Variants in GPM6B observed in about 807,000 individuals in gnomAD.
The protein encoded by GPM6B is neuronal membrane glycoprotein M6-b.
Under a neutral mutation model 27.2 loss-of-function variants are expected in GPM6B, and 4 were observed. The observed-to-expected ratio is 0.15, with a 90% confidence interval of 0.07 to 0.34. The LOEUF (loss-of-function observed/expected upper bound fraction) is 0.34. Ranked by LOEUF, GPM6B falls within the 10% of genes least tolerant of loss-of-function variation. GPM6B has a pLI of 1.00. For missense variants in GPM6B, 183 were observed against 261.9 expected, an observed-to-expected ratio of 0.70 and a Z score of 2.08; for synonymous variants, 124 against 103.1, an observed-to-expected ratio of 1.20 and a Z score of -1.23.
intron 1 of GPM6B, among the ~76,000 whole-genome samples, chrX:13,875,203 C>A (rs904536505): frequency 9.9e-5 from 11 of 111,118 alleles, no homozygotes; most frequent in African/African-American, 3.3e-4. Flanking sequence ...CAGTTGCATG[C>A]AGTTAGTGGG....
chrX:13,845,332 G>T (rs1302416870), intron 1 of GPM6B, among the ~76,000 whole-genome samples: 2 of 111,436 alleles, frequency 1.8e-5, no homozygotes, highest in Non-Finnish European at 3.8e-5. Flanking sequence ...GCACCTGAAA[G>T]GCTTCCAGGT....
intron 1 of GPM6B, among the ~76,000 whole-genome samples, chrX:13,915,626 T>C (rs910088462): frequency 1.8e-5 from 2 of 112,856 alleles, no homozygotes; most frequent in Non-Finnish European, 3.7e-5. Context: ...AGGATTACAT[T>C]AGTTGATTCA....
chrX:13,837,769 TG>T (rs1194421511), intron 1 of GPM6B, among the ~76,000 whole-genome samples: 2 of 46,142 alleles, frequency 4.3e-5, no homozygotes, highest in Non-Finnish European at 9.5e-5. Flanking sequence ...CAACAGTGTC[TG>T]AAAATTCATG....
In GPM6B at chrX:13,931,515, AAAAT is replaced by A. The variant is rs756151567; in HGVS notation, c.-198+6808_-198+6811del. ...AAAAAAAAGAAAAAAGAAAAAAAGA[AAAAT>A]AAATAAATAAAATTAATAATCGAGT... On this transcript the variant is annotated intron_variant, in intron 1 of 6. Coordinates refer to the GPM6B transcript ENST00000398361. Among the ~76,000 whole-genome samples the A allele has an allele frequency of 2.0e-3, 217 of 111,085 alleles. 1 individual carries two copies. Among genetic ancestry groups the A allele is most frequent in the African/African-American group, 6.9e-3 (210 of 30,651 alleles).
At chrX:13,897,390 A>G (rs2050243221) in intron 1 of GPM6B, among the ~76,000 whole-genome samples, 1 of 112,177 alleles carries the variant, frequency 8.9e-6, no homozygotes, top group Non-Finnish European at 1.9e-5. Flanking sequence ...TGAGAGTAAA[A>G]TTATACTTGA....
intron 1 of GPM6B, among the ~76,000 whole-genome samples, chrX:13,871,089 C>A (rs908316960): frequency 2.8e-5 from 1 of 35,840 alleles, no homozygotes; most frequent in Non-Finnish European, 7.7e-5. Context: ...AAAAACAAAA[C>A]AAAACAAAAC....
intron 1 of GPM6B, among the ~76,000 whole-genome samples, chrX:13,825,243 G>A (rs1309598799): frequency 6.2e-5 from 7 of 112,209 alleles, no homozygotes; most frequent in Non-Finnish European, 1.3e-4. Flanking sequence ...GATAAGGAGA[G>A]TGAGAAGGAC....
chrX:13,838,482 T>C (rs773575869), intron 1 of GPM6B, among the ~76,000 whole-genome samples: 3 of 112,510 alleles, frequency 2.7e-5, no homozygotes, highest in Non-Finnish European at 5.6e-5. Flanking sequence ...TCTGAGCTCT[T>C]TAGTGGCAAC....
intron 1 of GPM6B, among the ~76,000 whole-genome samples, chrX:13,925,475 C>A (rs1244550468): frequency 4.9e-5 from 5 of 102,386 alleles, no homozygotes; most frequent in Non-Finnish European, 9.9e-5. Context: ...TACAGGCAGG[C>A]ACCACCATGT....
chrX:13,803,191 G>A (rs973365672), intron 2 of GPM6B, among the ~76,000 whole-genome samples: 1 of 111,481 alleles, frequency 9.0e-6, no homozygotes, highest in Middle Eastern at 4.6e-3. Context: ...CCTAGAAGGG[G>A]GCCAAGGGAT....
intron 1 of GPM6B, among the ~76,000 whole-genome samples, chrX:13,927,690 C>T (rs1185258584): frequency 1.8e-5 from 2 of 112,834 alleles, no homozygotes; most frequent in East Asian, 5.5e-4. Context: ...ACATCTATTA[C>T]ATCCTTAAGT....
intron 1 of GPM6B, among the ~76,000 whole-genome samples, chrX:13,926,108 A>C (rs1921173910): frequency 9.4e-6 from 1 of 106,155 alleles, no homozygotes; most frequent in South Asian, 4.3e-4. Flanking sequence ...AAATCCTGAC[A>C]GGTATGTTTG....
At chrX:13,780,328 G>C (rs1450038411) in intron 4 of GPM6B, among the ~76,000 whole-genome samples, 1 of 112,039 alleles carries the variant, frequency 8.9e-6, no homozygotes, top group Non-Finnish European at 1.9e-5. Flanking sequence ...CTCAAGAGGT[G>C]CTCTTTCTAA....
intron 1 of GPM6B, among the ~76,000 whole-genome samples, chrX:13,836,764 T>C (rs924254310): frequency 2.7e-5 from 3 of 112,653 alleles, no homozygotes; most frequent in African/African-American, 3.2e-5. Context: ...ACCTGACATA[T>C]ACAAATTGCC....
upstream of GPM6B, among the ~76,000 whole-genome samples, chrX:13,822,097 CA>C (rs1267935426): frequency 9.0e-6 from 1 of 111,380 alleles, no homozygotes; most frequent in African/African-American, 3.3e-5. Flanking sequence ...AGTCATTAAT[CA>C]GAAGGAGGGA....
chrX:13,923,875 T>C (rs144116431), intron 1 of GPM6B, among the ~76,000 whole-genome samples: 1,449 of 112,329 alleles, frequency 0.013, 19 homozygotes, highest in African/African-American at 0.044. Flanking sequence ...GGATTTTTAT[T>C]TTCTTTTTTA....
At chrX:13,839,866 T>C (rs949553606) in intron 1 of GPM6B, among the ~76,000 whole-genome samples, 1 of 112,173 alleles carries the variant, frequency 8.9e-6, no homozygotes. Flanking sequence ...AGGAAAAGAA[T>C]CTAGGATAGC....
At chrX:13,884,479 C>T (rs941270603) in intron 1 of GPM6B, among the ~76,000 whole-genome samples, 1 of 112,266 alleles carries the variant, frequency 8.9e-6, no homozygotes, top group African/African-American at 3.2e-5. Context: ...CACAAGATTA[C>T]ATAATCTGAT....
At chrX:13,809,789 T>A (rs762990084) in intron 1 of GPM6B, among the ~76,000 whole-genome samples, 8 of 109,067 alleles carry the variant, frequency 7.3e-5, no homozygotes, top group African/African-American at 2.7e-4. Context: ...ATACAAAAAT[T>A]AGCTGGGCAT....
Sources: allele counts gnomAD v4.1 joint callset (sites outside exome capture counted in the v4.1 genomes callset), GRCh38; gene constraint gnomAD v4.1.1; transcripts MANE v1.5; gene names NCBI Gene and HGNC (gene_info 2026-07-23, HGNC 2026-07-21).